The following NCAPG variants were observed in gnomAD, a reference collection of about 807,000 sequenced individuals.
NCAPG encodes condensin complex subunit 3.
A neutral mutation model predicts 113.1 loss-of-function variants in NCAPG; 69 were observed. The ratio of observed to expected loss-of-function variants is 0.61; its 90% CI spans 0.50 to 0.75. NCAPG has a LOEUF of 0.75. Among genes scored for constraint, NCAPG ranks in the 30% least tolerant of loss-of-function variants. The probability of loss-of-function intolerance (pLI) is 0.00; values close to 1 mark genes in which losing one functional copy is unlikely to be tolerated. For synonymous variants in NCAPG, 370 were observed against 415.8 expected (o/e 0.89, Z 1.34); for missense variants, 1,058 against 1,177.0 (o/e 0.90, Z 1.48).
At chr4:17,834,557 G>C (rs750308741) in intron 14 of NCAPG, 34 bp downstream of exon 14, 2 of 1,307,828 alleles carry the variant, frequency 1.5e-6, no homozygotes, top group South Asian at 3.3e-5. Context: ...ATTATGAAAT[G>C]TCATTTTCAG....
In NCAPG at chr4:17,811,560, C is replaced by T. The variant is rs917097556; in HGVS notation, c.111+372C>T. Among the ~76,000 whole-genome samples the T allele has an allele frequency of 6.6e-6, 1 of 152,072 alleles. No individual in the cohort carries two copies. The highest frequency in any genetic ancestry group is 1.5e-5 in the Non-Finnish European group (1 of 68,008). On this transcript the variant is annotated intron_variant, in intron 1 of 20. Coordinates refer to ENST00000251496, the MANE Select transcript of NCAPG (RefSeq NM_022346.5). The surrounding 1 kb of genome is among the most constrained non-coding windows in gnomAD (Gnocchi z 5.3). Reference sequence around the variant, plus strand: ...TGAACCGCAGAGTGGATCCTGAATGCGGGGGTTCAGTGGTCGTTGCCCCTG... The same window carrying T: ...TGAACCGCAGAGTGGATCCTGAATGTGGGGGTTCAGTGGTCGTTGCCCCTG...
At chr4:17,831,825 T>C (rs914047300) in intron 13 of NCAPG, among the ~76,000 whole-genome samples, 1 of 152,206 alleles carries the variant, frequency 6.6e-6, no homozygotes, top group African/African-American at 2.4e-5. Context: ...TGTAAAGATG[T>C]CAGTTTTCAC....
chr4:17,828,451 G>A (rs1721739092), intron 12 of NCAPG, 63 bp downstream of exon 12: 1 of 885,014 alleles, frequency 1.1e-6, no homozygotes, highest in Non-Finnish European at 1.8e-6. Context: ...TAAGTGATAT[G>A]TTCTTTAGAA....
chr4:17,818,390 T>G (rs1184546305), intron 7 of NCAPG, among the ~76,000 whole-genome samples: 1 of 152,152 alleles, frequency 6.6e-6, no homozygotes, highest in Non-Finnish European at 1.5e-5. Flanking sequence ...ACATTTTCTG[T>G]TAAGTGTCAG....
At chr4:17,841,018 T>C (rs761913578) in intron 19 of NCAPG, among the ~76,000 whole-genome samples, 20 of 152,010 alleles carry the variant, frequency 1.3e-4, no homozygotes, top group Non-Finnish European at 1.9e-4. Context: ...ATCCTTCCTG[T>C]AACTAAGCAT....
chr4:17,828,142 CTG>C (rs1721727065), intron 11 of NCAPG, 134 bp from the exon 12 acceptor site: 1 of 458,164 alleles, frequency 2.2e-6, no homozygotes, highest in Non-Finnish European at 3.8e-6. Context: ...CATTTACTAT[CTG>C]TGTGATAGCT....
chr4:17,834,829 A>C (rs890576444), intron 14 of NCAPG, among the ~76,000 whole-genome samples: 1 of 152,176 alleles, frequency 6.6e-6, no homozygotes, highest in Non-Finnish European at 1.5e-5. Context: ...AAATTTGGAT[A>C]GACATTTTTT....
At chr4:17,813,611 AAAG>A (rs754311190) in intron 3 of NCAPG, among the ~76,000 whole-genome samples, 2 of 152,140 alleles carry the variant, frequency 1.3e-5, no homozygotes, top group Non-Finnish European at 2.9e-5. Context: ...TATATTTTGA[AAAG>A]AAATCCTTGG....
At position 17,811,214 on chromosome 4, in the gene NCAPG, G is replaced by C. The variant is rs1339295385; in HGVS notation, c.111+26G>C. On this transcript the variant is annotated intron_variant, in intron 1 of 20. Transcript: ENST00000251496. This position sits in a 1 kb window ranked among gnomAD's most constrained non-coding sequence, Gnocchi z 5.3. ...GTAAGCGCTCCCGGCCCCGGCCGCCGCCTCTCGCCCGCCCCGGCCCACCCT... is the reference window on the plus strand; with the variant it reads ...GTAAGCGCTCCCGGCCCCGGCCGCCCCCTCTCGCCCGCCCCGGCCCACCCT... 4 of 1,396,900 alleles carry C rather than the reference G, an allele frequency of 2.9e-6. No homozygotes were observed. The highest frequency in any genetic ancestry group is 3.8e-6 in the Non-Finnish European group (4 of 1,053,214). 86.5% of individuals were successfully genotyped at this position (1,396,900 alleles called of 1,614,324 possible). A position where few individuals can be genotyped will look rare whatever the true frequency, so the allele number is the denominator to read the frequency against.
intron 11 of NCAPG, among the ~76,000 whole-genome samples, chr4:17,827,499 G>A (rs1255414055): frequency 6.6e-6 from 1 of 152,166 alleles, no homozygotes; most frequent in Non-Finnish European, 1.5e-5. Flanking sequence ...GAGGTATTTA[G>A]AAATTAGTAA....
chr4:17,816,917 G>A (rs970204147), intron 5 of NCAPG, among the ~76,000 whole-genome samples: 1 of 152,070 alleles, frequency 6.6e-6, no homozygotes, highest in Non-Finnish European at 1.5e-5. Context: ...GGCGGATCAC[G>A]AGGTCAAGAG....
At chr4:17,841,619 C>T (rs76589471) in intron 19 of NCAPG, 1 of 151,966 alleles carries the variant, frequency 6.6e-6, no homozygotes, top group Admixed American at 6.5e-5. Context: ...TGGTATATCA[C>T]ACCATGAGAA....
intron 7 of NCAPG, among the ~76,000 whole-genome samples, chr4:17,820,233 C>G (rs935706381): frequency 1.3e-5 from 2 of 152,136 alleles, no homozygotes; most frequent in Non-Finnish European, 2.9e-5. Flanking sequence ...CAGGGATTAA[C>G]ATTTCCTTTG....
rs1415652202 is a variant in NCAPG, at chr4:17,834,490, T to G, written c.2076T>G (p.Val692=). 1 of 1,597,346 alleles carries G rather than the reference T, an allele frequency of 6.3e-7. No individual in the cohort carries two copies. Among genetic ancestry groups the G allele is most frequent in the African/African-American group, 1.3e-5 (1 of 74,388 alleles). ...EVEETATAKN[V]LKLLSDFLDS... ...AAGAGACTGCTACAGCTAAGAATGTTCTGAAACTCCTTTCTGATTTCTTAG... is the reference window on the plus strand; with the variant it reads ...AAGAGACTGCTACAGCTAAGAATGTGCTGAAACTCCTTTCTGATTTCTTAG... Residue 692 remains valine (V), a synonymous_variant, in exon 14 of 21, where the codon GTT becomes GTG. Coordinates refer to ENST00000251496, the MANE Select transcript of NCAPG (RefSeq NM_022346.5).
rs972036978 is a variant in NCAPG, at chr4:17,810,996, G to A, written c.-82G>A. 5.1e-6 allele frequency: 4 copies of A among 781,682 alleles called. No individual in the cohort carries two copies. The African/African-American group carries it at 5.5e-5, about 11-fold the overall frequency. 48.4% of individuals were successfully genotyped at this position (781,682 alleles called of 1,614,324 possible). ...CTGGGGCTGTCATAGAAGACTACTC[G>A]GAGAGCGCTGCCTCTGGGTTGGCGG... On this transcript the variant is annotated 5_prime_UTR_variant, in exon 1 of 21. Transcript: ENST00000251496.
intron 18 of NCAPG, 30 bp from the exon 19 acceptor site, chr4:17,840,573 CTTAT>C: frequency 1.7e-6 from 2 of 1,198,240 alleles, no homozygotes; most frequent in Non-Finnish European, 2.2e-6. Flanking sequence ...ATGAGGTTAT[CTTAT>C]TTATATTGTT....
At chr4:17,813,673 A>T (rs1721085383) in intron 3 of NCAPG, among the ~76,000 whole-genome samples, 1 of 152,120 alleles carries the variant, frequency 6.6e-6, no homozygotes, top group Admixed American at 6.5e-5. Context: ...TCATTGGGGT[A>T]TCATTGTTTC....
rs755358108 is a variant in NCAPG, at chr4:17,837,798, T to C, written c.2463T>C (p.Tyr821=). 6.2e-7 allele frequency: 1 copy of C among 1,613,702 alleles called. No homozygotes were observed. Among genetic ancestry groups the C allele is most frequent in the South Asian group, 1.1e-5 (1 of 91,064 alleles). ...CTCAGGCCAAGACTTCCCAAGATTA[T>C]CAGGTGAGTGACTGTGGTAACTGCA... The part of the protein sequence containing the change: ...LNPQAKTSQD[Y]QALTVHDNLA... The change falls in exon 16 of 21, where the codon TAT becomes TAC. Residue 821 remains tyrosine, a synonymous_variant. Coordinates refer to ENST00000251496, the MANE Select transcript of NCAPG (RefSeq NM_022346.5).
chr4:17,838,810 G>A (rs1199198115), intron 16 of NCAPG, among the ~76,000 whole-genome samples: 1 of 152,104 alleles, frequency 6.6e-6, no homozygotes, highest in Non-Finnish European at 1.5e-5. Flanking sequence ...ATGATGAAAG[G>A]GTTAATGTCA....
Sources: allele counts gnomAD v4.1 joint callset (sites outside exome capture counted in the v4.1 genomes callset), GRCh38; gene constraint gnomAD v4.1.1; non-coding constraint Gnocchi (gnomAD v3.1); transcripts MANE v1.5; gene names NCBI Gene and HGNC (gene_info 2026-07-23, HGNC 2026-07-21).